The following NBPF14 variants were observed in gnomAD, a reference collection of about 807,000 sequenced individuals.
The protein encoded by NBPF14 is NBPF member 14, also known as NBPF family member NBPF14.
NBPF14 carries 104 observed loss-of-function variants against 91.2 expected under a neutral mutation model. The ratio of observed to expected loss-of-function variants is 1.14; its 90% CI spans 0.97 to 1.34. The LOEUF (loss-of-function observed/expected upper bound fraction) is 1.34. NBPF14 is among the 40% of genes most tolerant of loss of function. The pLI is 0.00. For missense variants in NBPF14, 908 were observed against 783.0 expected (o/e 1.16, Z -1.91); for synonymous variants, 294 against 303.8 (o/e 0.97, Z 0.34).
intron 14 of NBPF14, among the ~76,000 whole-genome samples, chr1:148,577,644 A>G (rs1660139062): frequency 6.7e-6 from 1 of 148,950 alleles, no homozygotes; most frequent in Non-Finnish European, 1.5e-5. Context: ...GTCAAAGGAC[A>G]CTCTGTATTT....
At chr1:148,533,464 C>T (rs1200316513) in intron 70 of NBPF14, among the ~76,000 whole-genome samples, 1 of 151,596 alleles carries the variant, frequency 6.6e-6, no homozygotes, top group Admixed American at 6.6e-5. Context: ...GAGACAGAGA[C>T]AGAGACAGAG....
rs1553797794 is a variant in NBPF14 at position 148,593,463 on chromosome 1, T to C, written c.278+135A>G. 1.3e-4 allele frequency: 85 copies of C among 634,970 alleles called. 3 individuals carry two copies. The East Asian group carries it at 2.0e-3, about 15-fold the overall frequency. The allele number at this position is 634,970 out of a possible 1,614,324, so 39.3% of individuals were successfully genotyped here. ...TATCCTTGTTCTCTGATAAATATTT[T>C]TGTGTCATGAGCCTGCCATGGCAAT... On this transcript the variant is annotated intron_variant, in intron 3 of 70. Transcript: ENST00000619423.
At chr1:148,583,808 G>T in intron 11 of NBPF14, among the ~76,000 whole-genome samples, 1 of 66,904 alleles carries the variant, frequency 1.5e-5, no homozygotes, top group Non-Finnish European at 2.4e-5. Flanking sequence ...GGCAGAGGTT[G>T]CACCAAGCCA....
chr1:148,577,274 AC>A lies in NBPF14; in HGVS notation c.1934del (p.Gly645ValfsTer5). On this transcript the variant is annotated frameshift_variant, in exon 15 of 71. Coordinates refer to ENST00000619423, the Ensembl canonical transcript of NBPF14. LOFTEE classifies it high-confidence loss of function. ...GGCATGAGTCAGTCAGTTCAAGACA[AC>A]CTGAAGGAGTTGAATAACATCTATC... The A allele has an allele frequency of 1.6e-6, 1 of 631,392 alleles. No homozygotes were observed. The highest frequency in any genetic ancestry group is 2.8e-6 in the Non-Finnish European group (1 of 351,766). 39.1% of individuals were successfully genotyped at this position (631,392 alleles called of 1,614,324 possible).
intron 36 of NBPF14, among the ~76,000 whole-genome samples, chr1:148,560,382 CA>C (rs1657628471): frequency 7.5e-6 from 1 of 133,084 alleles, no homozygotes; most frequent in Non-Finnish European, 1.5e-5. Flanking sequence ...GAAGTATGGT[CA>C]ACCTATGGTA....
At chr1:148,576,027 G>A (rs1217294973) in intron 16 of NBPF14, among the ~76,000 whole-genome samples, 6 of 147,762 alleles carry the variant, frequency 4.1e-5, no homozygotes, top group Middle Eastern at 3.4e-3. Context: ...GAGAGAGAGA[G>A]GAGAAAGTGA....
At chr1:148,572,715 A>C (rs1485119741) in intron 20 of NBPF14, 100 bp from the exon 21 acceptor site, 2 of 648,334 alleles carry the variant, frequency 3.1e-6, no homozygotes, top group East Asian at 2.7e-5. Flanking sequence ...GTTTGAAAAG[A>C]AAAAGGACAG....
chr1:148,580,097 CTT>C (rs1216753157), intron 12 of NBPF14, among the ~76,000 whole-genome samples: 2 of 151,046 alleles, frequency 1.3e-5, no homozygotes, highest in African/African-American at 4.9e-5. Context: ...TGGAGAATGA[CTT>C]TGATGAGCTG....
Position 148,533,940 on chromosome 1 carries a change from T to C in NBPF14, c.8644A>G (p.Arg2882Gly). Residue 2882 changes from arginine (R) to glycine (G), a missense_variant, in exon 70 of 71, where the codon AGA becomes GGA. Physicochemically the swap from Arg to Gly is moderately radical, Grantham distance 125. Coordinates refer to ENST00000619423, the Ensembl canonical transcript of NBPF14. ...TCCTTCTTTGATCTTCTTCCCCTTC[T>C]TTTTTTCCCCTTCCCCTTCTTTTCA... 3 of 733,298 alleles carry C rather than the reference T, an allele frequency of 4.1e-6. 1 individual carries two copies. Among genetic ancestry groups the C allele is most frequent in the South Asian group, 2.8e-5 (2 of 71,734 alleles). 45.4% of individuals were successfully genotyped at this position (733,298 alleles called of 1,614,324 possible).
In NBPF14 at chr1:148,559,952, G is replaced by A. The variant is rs1185635080; in HGVS notation, c.4570C>T (p.Leu1524=). The change falls in exon 37 of 71, where the codon CTG becomes TTG. Residue 1524 remains leucine (L), a synonymous_variant. Coordinates refer to ENST00000619423, the Ensembl canonical transcript of NBPF14. ...ACTTCAGGCCCTTTCTCATGCAGCAGCTCCCTGCTGAGCCTGGAAAAGTGG... is the reference window on the plus strand; with the variant it reads ...ACTTCAGGCCCTTTCTCATGCAGCAACTCCCTGCTGAGCCTGGAAAAGTGG... The A allele has an allele frequency of 1.2e-5, 17 of 1,368,838 alleles. 1 individual carries two copies. Among genetic ancestry groups the A allele is most frequent in the African/African-American group, 6.4e-5 (3 of 47,176 alleles). The allele number at this position is 1,368,838 out of a possible 1,614,324, so 84.8% of individuals were successfully genotyped here.
At chr1:148,566,119 T>C (rs2149514228) in intron 29 of NBPF14, 24 bp downstream of exon 29, 2 of 470,624 alleles carry the variant, frequency 4.2e-6, no homozygotes, top group East Asian at 3.8e-5. Flanking sequence ...TGGATCCTTA[T>C]CACCTTCATA....
rs1263369041 is a variant in NBPF14, at chr1:148,559,776, C to A, written c.4729+17G>T. ...AGACTCAGTGGATCCTTATCACCTTCATAGAAAGGTACTCACCATCCATGT... is the reference window on the plus strand; with the variant it reads ...AGACTCAGTGGATCCTTATCACCTTAATAGAAAGGTACTCACCATCCATGT... On this transcript the variant is annotated intron_variant, in intron 37 of 70. Transcript: ENST00000619423. 14 of 1,409,954 alleles carry A rather than the reference C, an allele frequency of 9.9e-6. No homozygotes were observed. The highest frequency in any genetic ancestry group is 1.2e-5 in the Non-Finnish European group (12 of 1,037,542). The allele number at this position is 1,409,954 out of a possible 1,614,324, so 87.3% of individuals were successfully genotyped here. A position where few individuals can be genotyped will look rare whatever the true frequency, so the allele number is the denominator to read the frequency against.
intron 5 of NBPF14, 81 bp downstream of exon 5, chr1:148,591,351 C>A (rs1297369660): frequency 2.7e-6 from 4 of 1,471,614 alleles, no homozygotes; most frequent in South Asian, 2.3e-5. Flanking sequence ...TTTGGCCCAT[C>A]ATAGATGCCA....
chr1:148,592,808 T>C lies in NBPF14; in HGVS notation c.279-42A>G, dbSNP rs1444243436. On this transcript the variant is annotated intron_variant, in intron 3 of 70. Coordinates refer to ENST00000619423, the Ensembl canonical transcript of NBPF14. ...GAGAAAATTTAAGAGTAGAAAGGGT[T>C]GAGTGATCCGTTCAAATATTGCAAC... 3.6e-5 allele frequency: 48 copies of C among 1,345,888 alleles called. 8 individuals are homozygous for C. The highest frequency in any genetic ancestry group is 4.8e-5 in the Non-Finnish European group (46 of 955,340). 83.4% of individuals were successfully genotyped at this position (1,345,888 alleles called of 1,614,324 possible). A position where few individuals can be genotyped will look rare whatever the true frequency, so the allele number is the denominator to read the frequency against.
chr1:148,542,250 A>G (rs1192665662), intron 59 of NBPF14, among the ~76,000 whole-genome samples: 3 of 76,340 alleles, frequency 3.9e-5, no homozygotes, highest in Non-Finnish European at 6.3e-5. Flanking sequence ...AAGGAAATCT[A>G]CAAACCCTTG....
intron 36 of NBPF14, among the ~76,000 whole-genome samples, chr1:148,560,213 G>A (rs1657553579): frequency 6.6e-6 from 1 of 151,120 alleles, no homozygotes; most frequent in Admixed American, 6.6e-5. Context: ...GTGACCTAGT[G>A]AATTGGCCAG....
exon 15 of NBPF14, chr1:148,577,284 G>T: frequency 1.6e-6 from 1 of 623,388 alleles, no homozygotes; most frequent in South Asian, 1.9e-5. Context: ...ACCTGAAGGA[G>T]TTGAATAACA....
chr1:148,534,515 G>A (rs1251728552), intron 69 of NBPF14, among the ~76,000 whole-genome samples, 169 bp downstream of exon 69: 3 of 151,788 alleles, frequency 2.0e-5, no homozygotes, highest in Non-Finnish European at 2.9e-5. Context: ...CCCATTTCAT[G>A]TCTAGGCTTC....
At chr1:148,559,398 C>G (rs1368495849) in intron 37 of NBPF14, among the ~76,000 whole-genome samples, 3 of 134,124 alleles carry the variant, frequency 2.2e-5, no homozygotes, top group South Asian at 5.0e-4. Flanking sequence ...AAAAACTGCA[C>G]TATTCACCCT....
Sources: gnomAD v4.1 joint callset for allele counts (sites outside exome capture counted in the v4.1 genomes callset) on GRCh38, gnomAD v4.1.1 for gene constraint, MANE v1.5 for transcripts, NCBI Gene and HGNC (gene_info 2026-07-23, HGNC 2026-07-21) for gene names.